Variants in ATOH8 observed in about 807,000 individuals in gnomAD.
The protein encoded by ATOH8 is atonal bHLH transcription factor 8.
A neutral mutation model predicts 21.2 loss-of-function variants in ATOH8; 9 were observed. The observed-to-expected ratio is 0.42, with a 90% CI of 0.26 to 0.74. The LOEUF (loss-of-function observed/expected upper bound fraction) is 0.74. Among genes scored for constraint, ATOH8 ranks in the 30% least tolerant of loss-of-function variants. ATOH8 has a pLI of 0.24. For synonymous variants in ATOH8, 253 were observed against 224.0 expected (o/e 1.13, Z -1.16); for missense variants, 524 against 470.9 (o/e 1.11, Z -1.04).
In ATOH8 at chr2:85,786,872, T is replaced by A; in HGVS notation, c.961-13T>A. 5 of 1,610,180 alleles carry A rather than the reference T, an allele frequency of 3.1e-6. No homozygotes were observed. The highest frequency in any genetic ancestry group is 4.2e-6 in the Non-Finnish European group (5 of 1,178,978). On this transcript the variant is annotated splice_polypyrimidine_tract_variant and intron_variant, in intron 2 of 2. Coordinates refer to ENST00000306279, the MANE Select transcript of ATOH8 (RefSeq NM_032827.7). ...AGCAGGGGCAGCTTTTAATGGCTGG[T>A]CATGTCTTTCAGGAGTGACTGGCTG...
rs17851881 is a variant in ATOH8, at chr2:85,754,638, T to C, written c.449T>C (p.Leu150Pro). The stretch of plus-strand genomic sequence containing the variant: ...GCACAGCCTTTCCGGGAGCCGGGTC[T>C]GCGTCCTCGCATCTTGCTGTGCGCA... The part of the protein sequence containing the change: ...PEAQPFREPG[L>P]RPRILLCAPP... Residue 150 changes from leucine (L) to proline (P), a missense_variant, in exon 1 of 3, where the codon CTG becomes CCG. Physicochemically the swap from Leu to Pro is moderately conservative, Grantham distance 98 (BLOSUM62 -3). Transcript: ENST00000306279. 846,643 of 1,512,974 alleles carry C rather than the reference T, an allele frequency of 0.56. 238,883 individuals are homozygous for C. Among genetic ancestry groups the C allele is most frequent in the East Asian group, 0.75 (29,460 of 39,466 alleles). The allele number at this position is 1,512,974 out of a possible 1,614,324, so 93.7% of individuals were successfully genotyped here. A position where few individuals can be genotyped will look rare whatever the true frequency, so the allele number is the denominator to read the frequency against.
intron 1 of ATOH8, among the ~76,000 whole-genome samples, chr2:85,755,924 C>G (rs1488369911): frequency 6.6e-6 from 1 of 151,844 alleles, no homozygotes; most frequent in Admixed American, 6.6e-5. Flanking sequence ...TATTTGCATA[C>G]TCTGCAGCTG....
rs1372211137 is a variant in ATOH8 at position 85,790,646 on chromosome 2, G to A, written c.*3756G>A. ...TTCCCCTTTCTCACAGCTAGTGGAG[G>A]CATGAGTAGGCAGGTCCCAGGGGCT... is the stretch of plus-strand genomic sequence containing the variant. On this transcript the variant is annotated 3_prime_UTR_variant, in exon 3 of 3. Transcript: ENST00000306279. Among the ~76,000 whole-genome samples, 1 of 152,228 alleles carries A rather than the reference G, an allele frequency of 6.6e-6. No homozygotes were observed. Among genetic ancestry groups the A allele is most frequent in the Non-Finnish European group, 1.5e-5 (1 of 68,038 alleles).
At chr2:85,756,447 T>C (rs962256503) in intron 1 of ATOH8, among the ~76,000 whole-genome samples, 1 of 152,138 alleles carries the variant, frequency 6.6e-6, no homozygotes, top group African/African-American at 2.4e-5. Flanking sequence ...CCTCCTAGAC[T>C]GGGGAGGCAC....
At chr2:85,775,596 G>T (rs1680298976) in intron 2 of ATOH8, among the ~76,000 whole-genome samples, 2 of 152,180 alleles carry the variant, frequency 1.3e-5, no homozygotes, top group African/African-American at 4.8e-5. Flanking sequence ...CCTCATGGCT[G>T]CAGAGTGGTT....
At position 85,764,054 on chromosome 2, in the gene ATOH8, TAC is replaced by T; in HGVS notation, c.834_835del (p.Ile279ProfsTer8). On this transcript the variant is annotated frameshift_variant, in exon 2 of 3. Transcript: ENST00000306279. LOFTEE classifies it high-confidence loss of function. ...GGCCATCCTGAGGATCGCCTGTAAC[TAC>T]ATCCTGTCCCTGGCGCGGCTGGCTG... Reference protein sequence around the residue: ...KLAILRIACNYILSLARLADL... With the variant: ...KLAILRIACNXILSLARLADL... 6.2e-7 allele frequency: 1 copy of T among 1,614,182 alleles called. No homozygotes were observed. Among genetic ancestry groups the T allele is most frequent in the Non-Finnish European group, 8.5e-7 (1 of 1,180,036 alleles).
At chr2:85,767,771 T>G (rs979164465) in intron 2 of ATOH8, among the ~76,000 whole-genome samples, 1 of 152,118 alleles carries the variant, frequency 6.6e-6, no homozygotes, top group Non-Finnish European at 1.5e-5. Context: ...TTTCTGCTTC[T>G]AACACAAATT....
intron 2 of ATOH8, among the ~76,000 whole-genome samples, chr2:85,784,605 C>A (rs114697880): frequency 1.3e-5 from 2 of 152,120 alleles, no homozygotes; most frequent in African/African-American, 4.8e-5. Flanking sequence ...TACTGCAGGA[C>A]TTTTCGGAGC....
At chr2:85,782,751 A>G (rs1680528974) in intron 2 of ATOH8, among the ~76,000 whole-genome samples, 1 of 152,226 alleles carries the variant, frequency 6.6e-6, no homozygotes, top group Non-Finnish European at 1.5e-5. Flanking sequence ...GTTGGAGTGC[A>G]GTGGCATAAT....
intron 1 of ATOH8, among the ~76,000 whole-genome samples, chr2:85,756,220 C>G (rs948632806): frequency 6.6e-6 from 1 of 151,984 alleles, no homozygotes; most frequent in African/African-American, 2.4e-5. Flanking sequence ...TGTCACAGAC[C>G]AGGCTGGGCC....
chr2:85,775,180 A>C (rs1048084), intron 2 of ATOH8: 12 of 969,828 alleles, frequency 1.2e-5, no homozygotes, highest in Non-Finnish European at 1.5e-5. Flanking sequence ...TATGTTACAC[A>C]GTGTTGGATT....
chr2:85,774,132 A>G (rs1465821), intron 2 of ATOH8: 499,851 of 985,196 alleles, frequency 0.51, 128,139 homozygotes, highest in African/African-American at 0.63. Flanking sequence ...TCTCCCTCCC[A>G]TGTCTCCTGC....
chr2:85,790,238 A>T lies in ATOH8; in HGVS notation c.*3348A>T, dbSNP rs536461436. 3.9e-5 allele frequency among the ~76,000 whole-genome samples: 6 copies of T among 152,206 alleles called. No homozygotes were observed. The highest frequency in any genetic ancestry group is 8.8e-5 in the Non-Finnish European group (6 of 68,030). On this transcript the variant is annotated 3_prime_UTR_variant, in exon 3 of 3. Transcript: ENST00000306279. ...CTGGGTCACCAGGCACAGGCCATAA[A>T]GGGATGAGGGGGCCCTCTCCAGGGA...
intron 2 of ATOH8, chr2:85,773,068 G>A (rs944777020): frequency 6.5e-5 from 23 of 355,596 alleles, no homozygotes; most frequent in African/African-American, 4.9e-4. Flanking sequence ...CAGCGCCATG[G>A]CAGAGTCATT....
chr2:85,769,071 G>T (rs112325567), intron 2 of ATOH8, among the ~76,000 whole-genome samples: 1 of 152,234 alleles, frequency 6.6e-6, no homozygotes, highest in Non-Finnish European at 1.5e-5. Flanking sequence ...GAAAGAGGAA[G>T]ACAAGGAGGA....
In ATOH8 at chr2:85,764,158, C is replaced by G. The variant is rs780040578; in HGVS notation, c.936C>G (p.Ala312=). The change falls in exon 2 of 3, where the codon GCC becomes GCG. Residue 312 remains alanine (A), a synonymous_variant. Transcript: ENST00000306279. ...CVQRCTRTLQ[A]EGRAKKRKE ...AGCGCTGCACCCGCACCCTGCAGGC[C>G]GAGGGACGTGCCAAGAAGCGCAAGG... 1 of 1,614,108 alleles carries G rather than the reference C, an allele frequency of 6.2e-7. No homozygotes were observed. Among genetic ancestry groups the G allele is most frequent in the East Asian group, 2.2e-5 (1 of 44,880 alleles).
chr2:85,754,926 T>C lies in ATOH8; in HGVS notation c.737T>C (p.Ile246Thr). Residue 246 changes from isoleucine to threonine, a missense_variant, in exon 1 of 3, where the codon ATC (isoleucine) becomes ACC (threonine). Transcript: ENST00000306279. ...AGGGAGCGGACGCGGGTGCACACCA[T>C]CAGCGCAGCCTTCGAGGCGCTCAGG... ...NARERTRVHT[I>T]SAAFEALRKQ... 6.2e-7 allele frequency: 1 copy of C among 1,605,506 alleles called. No individual in the cohort carries two copies. Among genetic ancestry groups the C allele is most frequent in the Non-Finnish European group, 8.5e-7 (1 of 1,178,776 alleles).
rs2104546590 is a variant in ATOH8 at position 85,791,343 on chromosome 2, T to C, written c.*4453T>C. Among the ~76,000 whole-genome samples the C allele has an allele frequency of 1.3e-5, 2 of 152,366 alleles. No homozygotes were observed. Among genetic ancestry groups the C allele is most frequent in the East Asian group, 1.9e-4 (1 of 5,184 alleles). ...TGCAAAGTGTATATATTGGTTTCTTTGCTGAATGAATGAATAAAACATGGA... is the reference window on the plus strand; with the variant it reads ...TGCAAAGTGTATATATTGGTTTCTTCGCTGAATGAATGAATAAAACATGGA... On this transcript the variant is annotated 3_prime_UTR_variant, in exon 3 of 3. Coordinates refer to ENST00000306279, the MANE Select transcript of ATOH8 (RefSeq NM_032827.7).
chr2:85,754,768 G>C lies in ATOH8; in HGVS notation c.579G>C (p.Ser193=), dbSNP rs763289073. ...CGCGCCCCGGGGAAAGTTCCTACTCGTCAATTTCACACGTAATTTACAATA... is the reference window on the plus strand; with the variant it reads ...CGCGCCCCGGGGAAAGTTCCTACTCCTCAATTTCACACGTAATTTACAATA... ...PPTRPGESSY[S]SISHVIYNNH... is the part of the protein sequence containing the mutation. Residue 193 remains serine, a synonymous_variant, in exon 1 of 3, where the codon TCG becomes TCC. Transcript: ENST00000306279. The C allele has an allele frequency of 6.2e-7, 1 of 1,612,810 alleles. No homozygotes were observed.
Sources: allele counts gnomAD v4.1 joint callset (sites outside exome capture counted in the v4.1 genomes callset), GRCh38; gene constraint gnomAD v4.1.1; transcripts MANE v1.5; gene names NCBI Gene and HGNC (gene_info 2026-07-23, HGNC 2026-07-21).